Variants in PID1 observed in about 807,000 individuals in gnomAD.
The protein encoded by PID1 is PTB-containing, cubilin and LRP1-interacting protein.
PID1 carries 10 observed loss-of-function variants against 19.1 expected under a neutral mutation model. That is an observed-to-expected ratio of 0.52 (90% CI 0.32 to 0.89). The LOEUF is 0.89. Among genes scored for constraint, PID1 ranks in the 40% least tolerant of loss-of-function variants. The pLI, the probability that PID1 is intolerant of heterozygous loss-of-function variation, is 0.03. For synonymous variants in PID1, 130 were observed against 116.0 expected (o/e 1.12, Z -0.78); for missense variants, 248 against 285.3 (o/e 0.87, Z 0.94).
chr2:229,104,721 T>C (rs970608626), intron 2 of PID1, among the ~76,000 whole-genome samples: 5 of 152,220 alleles, frequency 3.3e-5, no homozygotes, highest in African/African-American at 1.2e-4. Flanking sequence ...AGTGACTCTA[T>C]CGCTTCTGAA....
chr2:229,241,148 G>C (rs943575849), intron 1 of PID1, among the ~76,000 whole-genome samples: 1 of 152,178 alleles, frequency 6.6e-6, no homozygotes, highest in Admixed American at 6.5e-5. Context: ...AATAGTAGCT[G>C]TTTTAAAGCA....
intron 2 of PID1, among the ~76,000 whole-genome samples, chr2:229,083,130 A>G (rs1694700312): frequency 6.6e-6 from 1 of 152,212 alleles, no homozygotes; most frequent in Admixed American, 6.5e-5. Context: ...AAGAGATTGT[A>G]GGAACAATCT....
intron 2 of PID1, among the ~76,000 whole-genome samples, chr2:229,149,992 C>A (rs917963019): frequency 6.6e-6 from 1 of 152,106 alleles, no homozygotes; most frequent in African/African-American, 2.4e-5. Flanking sequence ...AATCTCAGCA[C>A]TTTGGGAGGC....
At chr2:229,150,056 G>C in intron 2 of PID1, among the ~76,000 whole-genome samples, 1 of 151,968 alleles carries the variant, frequency 6.6e-6, no homozygotes, top group East Asian at 1.9e-4. Flanking sequence ...TGGCCAACAA[G>C]GTGAAAACTC....
intron 1 of PID1, among the ~76,000 whole-genome samples, chr2:229,186,006 T>C (rs965718477): frequency 7.9e-5 from 12 of 152,122 alleles, no homozygotes; most frequent in African/African-American, 2.4e-4. Flanking sequence ...CTAGACACAA[T>C]AGGGTACAGG....
chr2:229,116,821 G>A (rs1265922206), intron 2 of PID1, among the ~76,000 whole-genome samples: 1 of 152,028 alleles, frequency 6.6e-6, no homozygotes, highest in Non-Finnish European at 1.5e-5. Flanking sequence ...ACACTCTTCT[G>A]GCTTTTCACC....
chr2:229,027,896 G>T (rs1239882382), intron 2 of PID1, among the ~76,000 whole-genome samples: 3 of 152,096 alleles, frequency 2.0e-5, no homozygotes, highest in East Asian at 1.9e-4. Context: ...GGGCGTCGTT[G>T]CTCCTCTGGA....
At position 229,139,154 on chromosome 2, in the gene PID1, C is replaced by CAA. The variant is rs1574659962; in HGVS notation, c.177+16663_177+16664insTT. Among the ~76,000 whole-genome samples, 36 of 123,540 alleles carry CAA rather than the reference C, an allele frequency of 2.9e-4. 1 individual carries two copies. The highest frequency in any genetic ancestry group is 7.7e-4 in the African/African-American group (24 of 30,988). 81.0% of individuals were successfully genotyped at this position (123,540 alleles called of 152,430 possible). A position where few individuals can be genotyped will look rare whatever the true frequency, so the allele number is the denominator to read the frequency against. On this transcript the variant is annotated intron_variant, in intron 2 of 2. Transcript: ENST00000392055. ...GAAAGAAAGAAAGAAAGAAAGCAAG[C>CAA]GAGCGAGCAAGCGAGCTTCCCTTGA...
chr2:229,186,154 C>T (rs970227833), intron 1 of PID1, among the ~76,000 whole-genome samples: 1 of 152,216 alleles, frequency 6.6e-6, no homozygotes, highest in African/African-American at 2.4e-5. Context: ...CCATGTCTCA[C>T]ATCCAGGTCA....
chr2:229,038,795 C>A (rs1341540396), intron 2 of PID1, among the ~76,000 whole-genome samples: 3 of 152,072 alleles, frequency 2.0e-5, no homozygotes, highest in East Asian at 3.9e-4. Context: ...AGGGAGGTAA[C>A]CCTAGAGAAA....
At chr2:229,125,844 A>G (rs1559244788) in intron 2 of PID1, among the ~76,000 whole-genome samples, 1 of 152,198 alleles carries the variant, frequency 6.6e-6, no homozygotes, top group Non-Finnish European at 1.5e-5. Flanking sequence ...CAGCTGGTGT[A>G]CCACAGAAGG....
chr2:229,025,125 A>G lies in PID1; in HGVS notation c.*507T>C, dbSNP rs1018608380. On this transcript the variant is annotated 3_prime_UTR_variant, in exon 3 of 3. Coordinates refer to ENST00000392055, the MANE Select transcript of PID1 (RefSeq NM_001100818.2). Reference sequence around the variant, plus strand: ...CAATAAAGGCTGTGCTGATTTGCATACAGAGGAGGGCATCTGCCGTGGGAG... The same window carrying G: ...CAATAAAGGCTGTGCTGATTTGCATGCAGAGGAGGGCATCTGCCGTGGGAG... 6.3e-5 allele frequency: 10 copies of G among 159,662 alleles called. No individual in the cohort carries two copies. The highest frequency in any genetic ancestry group is 5.6e-5 in the Non-Finnish European group (4 of 72,068). 9.9% of individuals were successfully genotyped at this position (159,662 alleles called of 1,614,324 possible). A position where few individuals can be genotyped will look rare whatever the true frequency, so the allele number is the denominator to read the frequency against.
At chr2:229,220,647 T>A (rs1010105601) in intron 1 of PID1, among the ~76,000 whole-genome samples, 1 of 152,106 alleles carries the variant, frequency 6.6e-6, no homozygotes, top group South Asian at 2.1e-4. Flanking sequence ...CTGGGTCTTT[T>A]CTAGGATGGA....
intron 1 of PID1, among the ~76,000 whole-genome samples, chr2:229,165,876 T>TAA (rs11404584): frequency 4.6e-5 from 7 of 151,682 alleles, no homozygotes; most frequent in South Asian, 2.1e-4. Flanking sequence ...TTAGATAACC[T>TAA]AAAAAAAAGC....
chr2:229,211,183 G>T (rs909990640), intron 1 of PID1, among the ~76,000 whole-genome samples: 21 of 152,130 alleles, frequency 1.4e-4, no homozygotes, highest in Admixed American at 1.1e-3. Context: ...TGGTTTAGGG[G>T]AATTAAGTTG....
chr2:229,264,264 T>C (rs191172904), intron 1 of PID1, among the ~76,000 whole-genome samples: 1 of 152,188 alleles, frequency 6.6e-6, no homozygotes, highest in Non-Finnish European at 1.5e-5. Flanking sequence ...CTCAGTAGTA[T>C]ACATGAAATT....
intron 1 of PID1, among the ~76,000 whole-genome samples, chr2:229,231,477 A>G (rs1426298669): frequency 6.6e-6 from 1 of 152,016 alleles, no homozygotes; most frequent in African/African-American, 2.4e-5. Flanking sequence ...CACTTACTTA[A>G]TATCAAGCAG....
chr2:229,149,294 A>G (rs765711674), intron 2 of PID1, among the ~76,000 whole-genome samples: 2 of 152,186 alleles, frequency 1.3e-5, no homozygotes, highest in Admixed American at 6.5e-5. Flanking sequence ...ATGAGAAAAC[A>G]TGACTGTATT....
chr2:229,114,174 A>ACACAC (rs1695363067), intron 2 of PID1, among the ~76,000 whole-genome samples: 13 of 124,568 alleles, frequency 1.0e-4, no homozygotes, highest in East Asian at 6.5e-4. Flanking sequence ...TCTCCACACA[A>ACACAC]ACACACACAC....
Sources: allele counts gnomAD v4.1 joint callset (sites outside exome capture counted in the v4.1 genomes callset), GRCh38; gene constraint gnomAD v4.1.1; transcripts MANE v1.5; gene names NCBI Gene and HGNC (gene_info 2026-07-23, HGNC 2026-07-21).